RASAL1: variants seen among roughly 807,000 people sequenced by gnomAD.
The protein encoded by RASAL1 is RAS protein activator like 1, also known as rasGAP-activating-like protein 1.
In RASAL1, 72 loss-of-function variants were observed where a neutral mutation model predicts 96.6. That is an observed-to-expected ratio of 0.75 (90% CI 0.62 to 0.91). RASAL1 has a LOEUF of 0.91. RASAL1 is among the 40% of genes least tolerant of loss of function. The pLI is 0.00. For synonymous variants in RASAL1, 405 were observed against 430.4 expected (o/e 0.94, Z 0.73); for missense variants, 1,016 against 1,072.5 (o/e 0.95, Z 0.74).
rs773546396 is a variant in RASAL1 at position 113,135,402 on chromosome 12, CCTT to C, written c.58_60del (p.Lys20del). On this transcript the variant is annotated inframe_deletion, in exon 1 of 21. Transcript: ENST00000548055. This position sits in a 1 kb window ranked among gnomAD's most constrained non-coding sequence, Gnocchi z 5.7. ...AAGCGCCCGAGGAGTACTCACACGT[CCTT>C]GGCAGGCAGCGCGCGGCCCTCCACC... is the stretch of plus-strand genomic sequence containing the variant. 3.9e-5 allele frequency: 62 copies of C among 1,608,912 alleles called. No individual in the cohort carries two copies. Among genetic ancestry groups the C allele is most frequent in the Admixed American group, 1.3e-4 (8 of 59,646 alleles).
upstream of RASAL1, chr12:113,135,980 C>T (rs573257671): frequency 6.3e-6 from 1 of 158,814 alleles, no homozygotes; most frequent in Admixed American, 6.2e-5. This position sits in a 1 kb window ranked among gnomAD's most constrained non-coding sequence, Gnocchi z 5.7. Flanking sequence ...TGGCATTGGG[C>T]TTAAAAGACA....
chr12:113,107,865 T>C (rs1475107415), intron 14 of RASAL1, among the ~76,000 whole-genome samples: 1 of 152,220 alleles, frequency 6.6e-6, no homozygotes, highest in Non-Finnish European at 1.5e-5. Flanking sequence ...TGTTTTCCAC[T>C]TTCCTTCTGG....
intron 4 of RASAL1, among the ~76,000 whole-genome samples, chr12:113,122,840 C>T (rs1167772826): frequency 2.6e-5 from 4 of 152,126 alleles, no homozygotes; most frequent in African/African-American, 9.7e-5. Context: ...TTTTGCCTGT[C>T]TCTAATTTTT....
chr12:113,108,169 A>T lies in RASAL1; in HGVS notation c.1428T>A (p.Pro476=). 1 of 1,613,710 alleles carries T rather than the reference A, an allele frequency of 6.2e-7. No individual in the cohort carries two copies. The highest frequency in any genetic ancestry group is 8.5e-7 in the Non-Finnish European group (1 of 1,179,834). The change falls in exon 14 of 21, where the codon CCT becomes CCA. Residue 476 remains proline, a synonymous_variant. Coordinates refer to ENST00000548055, the MANE Select transcript of RASAL1 (RefSeq NM_001301202.2). ...SGFLFLRFFA[P]AILTPKLFDL... Reference sequence around the variant, plus strand: ...CAAACAGCTTTGGGGTAAGGATGGCAGGTGCGAAGAATCGCAAGAAGAGAA... The same window carrying T: ...CAAACAGCTTTGGGGTAAGGATGGCTGGTGCGAAGAATCGCAAGAAGAGAA...
At chr12:113,103,646 T>G in intron 18 of RASAL1, 1 of 486,622 alleles carries the variant, frequency 2.1e-6, no homozygotes, top group Non-Finnish European at 3.6e-6. Flanking sequence ...TCATCTTTCT[T>G]GAGAACAAGC....
At chr12:113,107,879 G>T (rs1466871213) in intron 14 of RASAL1, among the ~76,000 whole-genome samples, 1 of 152,180 alleles carries the variant, frequency 6.6e-6, no homozygotes, top group African/African-American at 2.4e-5. Flanking sequence ...CTTCTGGAAG[G>T]GTTGGGTTTT....
chr12:113,121,022 G>A (rs1951275594), intron 5 of RASAL1, among the ~76,000 whole-genome samples: 1 of 152,188 alleles, frequency 6.6e-6, no homozygotes, highest in Admixed American at 6.5e-5. Context: ...AAGCTGGCAG[G>A]GTGCCCGCCT....
At chr12:113,131,648 A>G (rs1386337283) in intron 1 of RASAL1, among the ~76,000 whole-genome samples, 1 of 152,140 alleles carries the variant, frequency 6.6e-6, no homozygotes, top group East Asian at 1.9e-4. Flanking sequence ...TCATCTGCCA[A>G]TTCAGGCCAG....
At chr12:113,113,608 T>C (rs1363877918) in intron 12 of RASAL1, among the ~76,000 whole-genome samples, 1 of 152,130 alleles carries the variant, frequency 6.6e-6, no homozygotes, top group East Asian at 1.9e-4. Flanking sequence ...CAAGTGACCT[T>C]CCCTCTCTGA....
chr12:113,106,180 C>G (rs1307303980), intron 15 of RASAL1, among the ~76,000 whole-genome samples: 2 of 152,174 alleles, frequency 1.3e-5, no homozygotes, highest in African/African-American at 4.8e-5. Context: ...GGGGTCCCAT[C>G]CAGGCAATGT....
At chr12:113,104,440 C>T (rs1950574944) in intron 16 of RASAL1, 142 bp from the exon 17 acceptor site, 1 of 746,684 alleles carries the variant, frequency 1.3e-6, no homozygotes, top group Non-Finnish European at 2.2e-6. Context: ...TCTGTGTGCT[C>T]GTCCATCCAT....
chr12:113,116,644 G>A (rs1432156229), intron 8 of RASAL1, among the ~76,000 whole-genome samples: 1 of 152,202 alleles, frequency 6.6e-6, no homozygotes, highest in East Asian at 1.9e-4. Context: ...AATATGTACA[G>A]GATGTGTGGA....
Position 113,130,745 on chromosome 12 carries a change from G to C in RASAL1, c.122+140C>G. The C allele has an allele frequency of 1.5e-6, 1 of 662,036 alleles. No homozygotes were observed. Among genetic ancestry groups the C allele is most frequent in the South Asian group, 1.9e-5 (1 of 52,590 alleles). 41.0% of individuals were successfully genotyped at this position (662,036 alleles called of 1,614,324 possible). ...GGAGAGGAGCTGGCAGTCCCAGCTGGACACAAATCACCCACCTGCAGGCCC... is the reference window on the plus strand; with the variant it reads ...GGAGAGGAGCTGGCAGTCCCAGCTGCACACAAATCACCCACCTGCAGGCCC... On this transcript the variant is annotated intron_variant, in intron 2 of 20. Transcript: ENST00000548055. The surrounding 1 kb of genome is among the most constrained non-coding windows in gnomAD (Gnocchi z 5.1).
intron 12 of RASAL1, among the ~76,000 whole-genome samples, chr12:113,112,515 A>G (rs1023127676): frequency 6.6e-6 from 1 of 151,874 alleles, no homozygotes; most frequent in Non-Finnish European, 1.5e-5. Context: ...TAAATGTTAA[A>G]TCTCCGCAAC....
chr12:113,108,559 T>G (rs1461676855), intron 13 of RASAL1, among the ~76,000 whole-genome samples: 1 of 152,192 alleles, frequency 6.6e-6, no homozygotes, highest in Non-Finnish European at 1.5e-5. Context: ...CTCAGAGACA[T>G]CAAGCGATTT....
rs1024934562 is a variant in RASAL1, at chr12:113,129,532, A to T, written c.122+1353T>A. On this transcript the variant is annotated intron_variant, in intron 2 of 20. Transcript: ENST00000548055. The surrounding 1 kb of genome is among the most constrained non-coding windows in gnomAD (Gnocchi z 5.0). Reference sequence around the variant, plus strand: ...TAAGCCCAGAAACAGGTGCACACACACAGCATCTCTGCCCTGACATCCCTG... The same window carrying T: ...TAAGCCCAGAAACAGGTGCACACACTCAGCATCTCTGCCCTGACATCCCTG... Among the ~76,000 whole-genome samples the T allele has an allele frequency of 1.3e-5, 2 of 152,180 alleles. No individual in the cohort carries two copies. The highest frequency in any genetic ancestry group is 4.8e-5 in the African/African-American group (2 of 41,436).
chr12:113,126,688 T>A (rs534687805), intron 4 of RASAL1, among the ~76,000 whole-genome samples: 4,785 of 138,884 alleles, frequency 0.034, 97 homozygotes, highest in Non-Finnish European at 0.044. Context: ...TCTCTCTCTC[T>A]CACACACACA....
intron 4 of RASAL1, among the ~76,000 whole-genome samples, chr12:113,122,379 C>T (rs1433177753): frequency 6.6e-6 from 1 of 152,072 alleles, no homozygotes; most frequent in Non-Finnish European, 1.5e-5. Flanking sequence ...GCTGGAGTGC[C>T]GTGGCACAAT....
intron 14 of RASAL1, 132 bp downstream of exon 14, chr12:113,107,953 G>T (rs3888858): frequency 9.8e-7 from 1 of 1,018,442 alleles, no homozygotes; most frequent in Non-Finnish European, 1.4e-6. Context: ...GAATGCTAAC[G>T]GTGGTGTTTC....
Sources: gnomAD v4.1 joint callset for allele counts (sites outside exome capture counted in the v4.1 genomes callset) on GRCh38, gnomAD v4.1.1 for gene constraint, Gnocchi (gnomAD v3.1) non-coding constraint, MANE v1.5 for transcripts, NCBI Gene and HGNC (gene_info 2026-07-23, HGNC 2026-07-21) for gene names.